The following ERN1 variants were observed in gnomAD, a reference collection of about 807,000 sequenced individuals.
ERN1 encodes the protein endoplasmic reticulum to nucleus signaling 1, also known as serine/threonine-protein kinase/endoribonuclease IRE1.
ERN1 carries 39 observed loss-of-function variants against 113.1 expected under a neutral mutation model. That is an observed-to-expected ratio of 0.34 (90% CI 0.27 to 0.45). The LOEUF (loss-of-function observed/expected upper bound fraction) is 0.45. ERN1 is among the 20% of genes least tolerant of loss of function. ERN1 has a pLI of 1.00. For missense variants in ERN1, 976 were observed against 1,274.8 expected (o/e 0.77, Z 3.57); for synonymous variants, 507 against 515.9 (o/e 0.98, Z 0.23).
intron 3 of ERN1, among the ~76,000 whole-genome samples, chr17:64,080,097 C>CTCCT (rs1244834280): frequency 2.0e-5 from 3 of 152,304 alleles, no homozygotes; most frequent in African/African-American, 7.2e-5. Flanking sequence ...GTATATAGAA[C>CTCCT]TCCAGCCATT....
At chr17:64,096,970 T>C (rs1914247747) in intron 2 of ERN1, among the ~76,000 whole-genome samples, 1 of 152,234 alleles carries the variant, frequency 6.6e-6, no homozygotes, top group African/African-American at 2.4e-5. Flanking sequence ...GATTTGTTGA[T>C]TTTCATCTCT....
At position 64,080,733 on chromosome 17, in the gene ERN1, GA is replaced by G. The variant is rs530818830; in HGVS notation, c.209+41del. The G allele has an allele frequency of 2.8e-4, 452 of 1,587,088 alleles. 1 individual carries two copies. In the Middle Eastern group the frequency reaches 3.2e-3, roughly 11 times the overall value. ...TCATAAACACTGATTGAATGAAGAA[GA>G]CTGAATTAAAGGGAAGTACTGAGCG... On this transcript the variant is annotated intron_variant, in intron 3 of 21. Transcript: ENST00000433197.
chr17:64,083,963 C>A (rs757274159), intron 2 of ERN1, among the ~76,000 whole-genome samples: 78 of 152,302 alleles, frequency 5.1e-4, no homozygotes, highest in South Asian at 1.9e-3. Context: ...TGTCCCCACT[C>A]CCTCCTCCAC....
At chr17:64,102,450 A>G (rs546416875) in intron 1 of ERN1, among the ~76,000 whole-genome samples, 1 of 152,228 alleles carries the variant, frequency 6.6e-6, no homozygotes, top group Non-Finnish European at 1.5e-5. Flanking sequence ...GTTCTTCTCA[A>G]GGCTCTCAAC....
At chr17:64,066,314 G>A (rs2143374876) in intron 8 of ERN1, among the ~76,000 whole-genome samples, 1 of 152,274 alleles carries the variant, frequency 6.6e-6, no homozygotes, top group South Asian at 2.1e-4. Flanking sequence ...ATTTGTGTGT[G>A]TGTGGTGGCA....
intron 17 of ERN1, among the ~76,000 whole-genome samples, chr17:64,051,713 T>C (rs1912690013): frequency 6.6e-6 from 1 of 152,162 alleles, no homozygotes; most frequent in Admixed American, 6.5e-5. Context: ...CAGAATCAAA[T>C]GTAACGCAAG....
At chr17:64,122,240 C>A (rs1485547817) in intron 1 of ERN1, among the ~76,000 whole-genome samples, 1 of 152,222 alleles carries the variant, frequency 6.6e-6, no homozygotes, top group Non-Finnish European at 1.5e-5. Context: ...TCCCATCTGT[C>A]TGCTCTGGAA....
At chr17:64,094,731 G>A (rs1373781666) in intron 2 of ERN1, among the ~76,000 whole-genome samples, 3 of 150,246 alleles carry the variant, frequency 2.0e-5, no homozygotes, top group East Asian at 1.9e-4. Flanking sequence ...CACCTTCTCC[G>A]TGGAGCCCTC....
intron 4 of ERN1, among the ~76,000 whole-genome samples, chr17:64,077,086 G>A (rs1913614835): frequency 6.6e-6 from 1 of 152,174 alleles, no homozygotes; most frequent in South Asian, 2.1e-4. Flanking sequence ...GGACTACAGA[G>A]CTGTGGAGAG....
chr17:64,089,193 C>T (rs368903697), intron 2 of ERN1, among the ~76,000 whole-genome samples: 2 of 151,806 alleles, frequency 1.3e-5, no homozygotes, highest in African/African-American at 4.8e-5. Flanking sequence ...GTGGCAGGCA[C>T]GTGTAGTCCC....
In ERN1 at chr17:64,065,261, G is replaced by T. The variant is rs750675793; in HGVS notation, c.869C>A (p.Ser290Tyr). 5.6e-6 allele frequency: 9 copies of T among 1,607,128 alleles called. No individual in the cohort carries two copies. In the Admixed American group the frequency reaches 1.5e-4, roughly 27 times the overall value. The change falls in exon 9 of 22, where the codon TCT (serine) becomes TAT (tyrosine). Residue 290 changes from serine (S) to tyrosine (Y), a missense_variant. Transcript: ENST00000433197. ...LTPTLYVGKY[S>Y]TSLYASPSMV... ...TGAGGGAGAGGCATAGAGGCTGGTAGAGTATTTCCCAACATACAGAGTGGG... is the reference window on the plus strand; with the variant it reads ...TGAGGGAGAGGCATAGAGGCTGGTATAGTATTTCCCAACATACAGAGTGGG...
In ERN1 at chr17:64,044,069, G is replaced by C. The variant is rs1277393355; in HGVS notation, c.2853C>G (p.Cys951Trp). Residue 951 changes from cysteine to tryptophan, a missense_variant, in exon 22 of 22, where the codon TGC (cysteine) becomes TGG (tryptophan). By Grantham distance (215) the Cys-to-Trp change is radical (BLOSUM62 -2). Coordinates refer to ENST00000433197, the MANE Select transcript of ERN1 (RefSeq NM_001433.5). The surrounding 1 kb of genome is among the most constrained non-coding windows in gnomAD (Gnocchi z 4.1). ...AGGGCTGGAAGAGTCTCTCGTGGCT[G>C]CACAGCTCCATGGCCCGGTAGGTGT... ...LAHTYRAMEL[C>W]SHERLFQPYY... 1 of 1,613,550 alleles carries C rather than the reference G, an allele frequency of 6.2e-7. No homozygotes were observed. The highest frequency in any genetic ancestry group is 1.3e-5 in the African/African-American group (1 of 74,902).
At chr17:64,087,055 T>C (rs1913956170) in intron 2 of ERN1, among the ~76,000 whole-genome samples, 1 of 152,162 alleles carries the variant, frequency 6.6e-6, no homozygotes, top group South Asian at 2.1e-4. Flanking sequence ...ACCAGCAATG[T>C]ATTAGAGATT....
chr17:64,064,682 AG>A (rs1315938178), intron 9 of ERN1, among the ~76,000 whole-genome samples: 1 of 152,224 alleles, frequency 6.6e-6, no homozygotes, highest in Non-Finnish European at 1.5e-5. Flanking sequence ...GGACTTTCAG[AG>A]ACAGAATGCT....
At chr17:64,103,411 C>T (rs1348696981) in intron 1 of ERN1, among the ~76,000 whole-genome samples, 6 of 151,102 alleles carry the variant, frequency 4.0e-5, no homozygotes, top group Admixed American at 6.6e-5. Flanking sequence ...GCAGGAGAAT[C>T]GCTTGAACCC....
intron 1 of ERN1, among the ~76,000 whole-genome samples, chr17:64,106,645 T>C (rs1420654639): frequency 1.3e-5 from 2 of 151,218 alleles, no homozygotes; most frequent in African/African-American, 2.4e-5. Context: ...ATGGATCAGC[T>C]GATTTTAAGA....
chr17:64,098,391 T>C, intron 1 of ERN1, 150 bp from the exon 2 acceptor site: 1 of 1,005,284 alleles, frequency 9.9e-7, no homozygotes, highest in Admixed American at 1.7e-5. Flanking sequence ...AAATTCCCAC[T>C]CAGTCAGGAC....
intron 1 of ERN1, among the ~76,000 whole-genome samples, chr17:64,099,979 G>A (rs149486179): frequency 1.2e-4 from 19 of 152,216 alleles, no homozygotes; most frequent in Non-Finnish European, 2.2e-4. Context: ...GAAGAAGAGT[G>A]CTTTTAATTC....
In ERN1 at chr17:64,049,079, C is replaced by T. The variant is rs1484779121; in HGVS notation, c.2377G>A (p.Asp793Asn). 6.2e-7 allele frequency: 1 copy of T among 1,602,194 alleles called. No homozygotes were observed. The highest frequency in any genetic ancestry group is 1.1e-5 in the South Asian group (1 of 90,448). The change falls in exon 18 of 22, where the codon GAC becomes AAC. Residue 793 changes from aspartate to asparagine, a missense_variant. Around this residue, in one of 5 missense-constraint regions of ERN1, gnomAD observed 297 missense variants for 457.8 expected, o/e 0.65. Transcript: ENST00000433197. This position sits in a 1 kb window ranked among gnomAD's most constrained non-coding sequence, Gnocchi z 4.7. ...ANILLGACSLDCLHPEKHEDV... is the reference protein window; with the variant it reads ...ANILLGACSLNCLHPEKHEDV... ...CCGTGCTTCTCTGGGTGCAAGCAGT[C>T]AAGGCTGCAGGCACCCAGGAGGATG... is the stretch of plus-strand genomic sequence containing the variant.
Sources: gnomAD v4.1 joint callset for allele counts (sites outside exome capture counted in the v4.1 genomes callset) on GRCh38, gnomAD v4.1.1 for gene constraint, gnomAD v4.1.1 regional missense constraint, Gnocchi (gnomAD v3.1) non-coding constraint, MANE v1.5 for transcripts, NCBI Gene and HGNC (gene_info 2026-07-23, HGNC 2026-07-21) for gene names.